The following MEF2C variants were observed in gnomAD, a reference collection of about 807,000 sequenced individuals.
MEF2C encodes the protein myocyte enhancer factor 2C, also known as myocyte-specific enhancer factor 2C.
Under a neutral mutation model 50.5 loss-of-function variants are expected in MEF2C, and 6 were observed. That is an observed-to-expected ratio of 0.12 (90% CI 0.07 to 0.23). The LOEUF (loss-of-function observed/expected upper bound fraction) is 0.23, where lower values mean the gene tolerates loss of function less well. MEF2C is among the 10% of genes least tolerant of loss of function. MEF2C has a pLI of 1.00. For missense variants in MEF2C, 276 were observed against 605.0 expected, an observed-to-expected ratio of 0.46 and a Z score of 5.70; for synonymous variants, 183 against 228.0, an observed-to-expected ratio of 0.80 and a Z score of 1.78.
upstream of MEF2C, chr5:88,887,594 G>A (rs779865956): frequency 6.6e-6 from 1 of 151,978 alleles, no homozygotes; most frequent in Non-Finnish European, 1.5e-5. Flanking sequence ...ACTCTTCTTT[G>A]GCACCTTCAA....
In MEF2C at chr5:88,778,099, G is replaced by A. The variant is rs553455471; in HGVS notation, c.259-16771C>T. Among the ~76,000 whole-genome samples, 20 of 151,278 alleles carry A rather than the reference G, an allele frequency of 1.3e-4. 1 individual carries two copies. The South Asian group carries it at 3.8e-3, about 29-fold the overall frequency. ...TTGTTTTTGTATTTTTAGTAGAGAC[G>A]GGGTTTCACCGTGTTAGCCAGGATG... On this transcript the variant is annotated intron_variant, in intron 3 of 10. Transcript: ENST00000504921.
intron 1 of MEF2C, among the ~76,000 whole-genome samples, chr5:88,860,745 C>T (rs1825218924): frequency 6.6e-6 from 1 of 152,100 alleles, no homozygotes; most frequent in African/African-American, 2.4e-5. Flanking sequence ...TTGGCATGAC[C>T]TAATTCTGGC....
chr5:88,745,382 C>T (rs1768916253), intron 6 of MEF2C, among the ~76,000 whole-genome samples: 1 of 152,194 alleles, frequency 6.6e-6, no homozygotes, highest in African/African-American at 2.4e-5. Flanking sequence ...TCTCAAATGG[C>T]TGAACTGAAT....
At chr5:88,779,062 A>T (rs918012813) in intron 3 of MEF2C, among the ~76,000 whole-genome samples, 27 of 152,220 alleles carry the variant, frequency 1.8e-4, no homozygotes, top group African/African-American at 5.8e-4. Flanking sequence ...ATTGAAACTA[A>T]ATAAAGTTGT....
chr5:88,753,637 C>G (rs761632645), intron 4 of MEF2C, among the ~76,000 whole-genome samples: 1 of 152,186 alleles, frequency 6.6e-6, no homozygotes, highest in Non-Finnish European at 1.5e-5. Flanking sequence ...GTGATCCGCC[C>G]ACCTCGGCCT....
chr5:88,736,208 A>C, intron 6 of MEF2C: 1 of 395,604 alleles, frequency 2.5e-6, no homozygotes, highest in Non-Finnish European at 3.1e-6. Flanking sequence ...ATATTTCAGC[A>C]ACTCGGCCGG....
At chr5:88,780,269 T>G (rs1787273124) in intron 3 of MEF2C, among the ~76,000 whole-genome samples, 1 of 152,196 alleles carries the variant, frequency 6.6e-6, no homozygotes, top group African/African-American at 2.4e-5. Flanking sequence ...TCCTATTTAT[T>G]TTTATGCTGG....
rs1323101986 is a variant in MEF2C, at chr5:88,804,727, A to G, written c.129T>C (p.Ile43=). 1 of 1,614,146 alleles carries G rather than the reference A, an allele frequency of 6.2e-7. No homozygotes were observed. The highest frequency in any genetic ancestry group is 1.3e-5 in the African/African-American group (1 of 75,034). The change falls in exon 3 of 11, where the codon ATT becomes ATC. Residue 43 remains isoleucine, a synonymous_variant. Transcript: ENST00000504921. ...YELSVLCDCE[I]ALIIFNSTNK... Reference sequence around the variant, plus strand: ...TGGTGCTGTTGAAGATGATCAGCGCAATCTCACAGTCACACAGCACGCTCA... The same window carrying G: ...TGGTGCTGTTGAAGATGATCAGCGCGATCTCACAGTCACACAGCACGCTCA...
At chr5:88,766,919 G>T in intron 3 of MEF2C, 2 of 550,644 alleles carry the variant, frequency 3.6e-6, no homozygotes, top group Non-Finnish European at 4.6e-6. Flanking sequence ...ACAGCTTTAT[G>T]AAGATAAGTA....
At chr5:88,838,936 G>T (rs759786321) in intron 1 of MEF2C, among the ~76,000 whole-genome samples, 2 of 151,964 alleles carry the variant, frequency 1.3e-5, no homozygotes, top group East Asian at 3.9e-4. Context: ...GGAATTTTAC[G>T]GCTTTCAACT....
intron 1 of MEF2C, among the ~76,000 whole-genome samples, chr5:88,865,756 G>A (rs1028175477): frequency 5.9e-5 from 9 of 152,178 alleles, no homozygotes; most frequent in Admixed American, 2.6e-4. Flanking sequence ...TGTTACCAAT[G>A]GGACTTAATA....
intron 1 of MEF2C, among the ~76,000 whole-genome samples, chr5:88,889,840 G>A (rs1834342965): frequency 6.6e-6 from 1 of 152,142 alleles, no homozygotes; most frequent in South Asian, 2.1e-4. Flanking sequence ...AAGAGCTCGG[G>A]ATGGGCTCAG....
intron 6 of MEF2C, chr5:88,742,613 A>T: frequency 1.0e-6 from 1 of 985,312 alleles, no homozygotes; most frequent in Non-Finnish European, 1.2e-6. Flanking sequence ...ATAACCTAAA[A>T]TTTTCTTTTT....
At chr5:88,869,934 A>G (rs1261447336) in intron 1 of MEF2C, among the ~76,000 whole-genome samples, 1 of 151,434 alleles carries the variant, frequency 6.6e-6, no homozygotes, top group Non-Finnish European at 1.5e-5. Flanking sequence ...TAGTGGTGTC[A>G]AACACTTAGG....
At chr5:88,816,918 C>A (rs1805710140) in intron 2 of MEF2C, among the ~76,000 whole-genome samples, 1 of 151,716 alleles carries the variant, frequency 6.6e-6, no homozygotes, top group South Asian at 2.1e-4. Flanking sequence ...ACTGATTGAG[C>A]TTTTTTTCAC....
chr5:88,752,529 T>C (rs1364002908), intron 4 of MEF2C: 1 of 839,032 alleles, frequency 1.2e-6, no homozygotes, highest in Non-Finnish European at 1.4e-6. Context: ...TATACCTTAA[T>C]TATCATTTTT....
At chr5:88,741,344 C>A (rs1366454464) in intron 6 of MEF2C, 25 of 984,800 alleles carry the variant, frequency 2.5e-5, no homozygotes, top group Non-Finnish European at 2.9e-5. Context: ...TCAGTTATCT[C>A]ATTTAATTTT....
intron 10 of MEF2C, 61 bp from the exon 11 acceptor site, chr5:88,722,986 C>A: frequency 7.4e-7 from 1 of 1,359,524 alleles, no homozygotes; most frequent in Non-Finnish European, 9.9e-7. Flanking sequence ...CAGGAACTCA[C>A]AATTAAATCA....
chr5:88,789,692 AT>A (rs955808468), intron 3 of MEF2C, among the ~76,000 whole-genome samples: 10 of 151,954 alleles, frequency 6.6e-5, no homozygotes, highest in Non-Finnish European at 8.8e-5. Flanking sequence ...TTGACAGAGA[AT>A]TTTTTTTCTT....
Sources: gnomAD v4.1 joint callset for allele counts (sites outside exome capture counted in the v4.1 genomes callset) on GRCh38, gnomAD v4.1.1 for gene constraint, MANE v1.5 for transcripts, NCBI Gene and HGNC (gene_info 2026-07-23, HGNC 2026-07-21) for gene names.